The following DCDC2C variants were observed in gnomAD, a reference collection of about 807,000 sequenced individuals.
DCDC2C encodes doublecortin domain-containing protein 2C.
DCDC2C carries 44 observed loss-of-function variants against 45.0 expected under a neutral mutation model. That is an observed-to-expected ratio of 0.98 (90% CI 0.77 to 1.26). The LOEUF (loss-of-function observed/expected upper bound fraction) is 1.26. Among genes scored for constraint, DCDC2C ranks in the 50% most tolerant of loss-of-function variants. The pLI is 0.00. For synonymous variants in DCDC2C, 187 were observed against 178.8 expected (o/e 1.05, Z -0.37); for missense variants, 447 against 468.9 (o/e 0.95, Z 0.43).
At chr2:3,757,871 T>G (rs560115503) in intron 6 of DCDC2C, among the ~76,000 whole-genome samples, 1 of 152,290 alleles carries the variant, frequency 6.6e-6, no homozygotes, top group African/African-American at 2.4e-5. Flanking sequence ...CTTCCACATC[T>G]GCCTATGTCT....
intron 4 of DCDC2C, among the ~76,000 whole-genome samples, chr2:3,743,197 A>ATATACAACG (rs1263892332): frequency 3.3e-5 from 1 of 29,868 alleles, no homozygotes; most frequent in Non-Finnish European, 7.6e-5. Context: ...CCCATCAAGA[A>ATATACAACG]TATACAACAA....
intron 10 of DCDC2C, among the ~76,000 whole-genome samples, chr2:3,793,640 G>A (rs991401226): frequency 6.6e-6 from 1 of 152,226 alleles, no homozygotes; most frequent in Non-Finnish European, 1.5e-5. Flanking sequence ...ATTTAAAAAT[G>A]TTCAGTCATT....
intron 10 of DCDC2C, among the ~76,000 whole-genome samples, chr2:3,833,558 C>T (rs1355688618): frequency 1.3e-5 from 2 of 152,174 alleles, no homozygotes; most frequent in Admixed American, 6.5e-5. Flanking sequence ...AATATTGGCT[C>T]ACCTTTTAAG....
At chr2:3,708,389 C>G (rs1668123288) in intron 1 of DCDC2C, among the ~76,000 whole-genome samples, 160 bp from the exon 2 acceptor site, 1 of 152,076 alleles carries the variant, frequency 6.6e-6, no homozygotes, top group Non-Finnish European at 1.5e-5. Context: ...CTATTGTATT[C>G]TGATGTGGAT....
At chr2:3,845,330 C>CAG (rs1411502887) in intron 10 of DCDC2C, among the ~76,000 whole-genome samples, 1 of 152,188 alleles carries the variant, frequency 6.6e-6, no homozygotes, top group Non-Finnish European at 1.5e-5. Flanking sequence ...AGAAGACAGG[C>CAG]AGAGTCACTA....
chr2:3,778,954 T>C, intron 9 of DCDC2C, 70 bp downstream of exon 9: 1 of 1,425,140 alleles, frequency 7.0e-7, no homozygotes, highest in East Asian at 2.5e-5. Context: ...AGAGCTCACG[T>C]TTGGTGGTGA....
intron 4 of DCDC2C, among the ~76,000 whole-genome samples, chr2:3,750,557 A>T (rs1369365289): frequency 1.3e-5 from 2 of 152,036 alleles, no homozygotes; most frequent in African/African-American, 4.8e-5. Context: ...TTTTGAAAAT[A>T]TCACCGTCTT....
rs976489873 is a variant in DCDC2C, at chr2:3,818,325, C to T, written c.1066-28829C>T. Among the ~76,000 whole-genome samples the T allele has an allele frequency of 5.3e-5, 8 of 151,918 alleles. No homozygotes were observed. The South Asian group carries it at 1.5e-3, about 28-fold the overall frequency. On this transcript the variant is annotated intron_variant, in intron 10 of 10. Transcript: ENST00000399143. This position sits in a 1 kb window ranked among gnomAD's most constrained non-coding sequence, Gnocchi z 4.7. ...GTGTCAGGGTCTGTCCAAGTGAAAGCGAAGAGAGGCTGGGATGAAGGGTGC... is the reference window on the plus strand; with the variant it reads ...GTGTCAGGGTCTGTCCAAGTGAAAGTGAAGAGAGGCTGGGATGAAGGGTGC...
chr2:3,800,255 T>G (rs1671082089), intron 10 of DCDC2C, among the ~76,000 whole-genome samples: 1 of 152,146 alleles, frequency 6.6e-6, no homozygotes, highest in Admixed American at 6.5e-5. Flanking sequence ...CCCACTGACC[T>G]GCGCCCACTG....
At chr2:3,749,255 A>G (rs1364068820) in intron 4 of DCDC2C, among the ~76,000 whole-genome samples, 1 of 152,242 alleles carries the variant, frequency 6.6e-6, no homozygotes, top group African/African-American at 2.4e-5. Context: ...TTTAGTGCTC[A>G]CATTTTCTGA....
chr2:3,812,278 C>T (rs550435670), intron 10 of DCDC2C, among the ~76,000 whole-genome samples: 1 of 150,650 alleles, frequency 6.6e-6, no homozygotes, highest in Non-Finnish European at 1.5e-5. Flanking sequence ...TTGGTCTATT[C>T]AGGGATTCAA....
chr2:3,772,902 G>A (rs1670220397), intron 8 of DCDC2C, among the ~76,000 whole-genome samples: 1 of 152,174 alleles, frequency 6.6e-6, no homozygotes, highest in Admixed American at 6.5e-5. Context: ...CATTCTTGTA[G>A]CACAAACTTG....
At chr2:3,789,243 T>G (rs67938526) in intron 10 of DCDC2C, among the ~76,000 whole-genome samples, 70,374 of 151,912 alleles carry the variant, frequency 0.46, 16,878 homozygotes, top group East Asian at 0.82. Flanking sequence ...AGTGAAAAAC[T>G]GCCAAGCACC....
intron 10 of DCDC2C, among the ~76,000 whole-genome samples, chr2:3,827,242 G>A (rs1671844662): frequency 6.6e-6 from 1 of 152,180 alleles, no homozygotes; most frequent in African/African-American, 2.4e-5. Context: ...GGCTACATAT[G>A]GAGTGGAGGA....
chr2:3,770,683 T>G (rs1384128156), intron 8 of DCDC2C, among the ~76,000 whole-genome samples: 4 of 152,234 alleles, frequency 2.6e-5, no homozygotes, highest in Non-Finnish European at 2.9e-5. Flanking sequence ...GTCACTAGGA[T>G]GTTACTGTGG....
intron 2 of DCDC2C, among the ~76,000 whole-genome samples, chr2:3,725,433 C>T (rs2163265): frequency 0.03 from 2,031 of 68,740 alleles, 13 homozygotes; most frequent in Non-Finnish European, 0.051. Context: ...AGGTGGATCC[C>T]AGAGGAAGAC....
At chr2:3,838,792 C>G (rs1290123622) in intron 10 of DCDC2C, among the ~76,000 whole-genome samples, 1 of 152,300 alleles carries the variant, frequency 6.6e-6, no homozygotes, top group South Asian at 2.1e-4. Context: ...GTCTGAAAAA[C>G]ATGTATGCCT....
At chr2:3,729,417 T>G (rs1257196205) in intron 3 of DCDC2C, among the ~76,000 whole-genome samples, 1 of 152,238 alleles carries the variant, frequency 6.6e-6, no homozygotes, top group Non-Finnish European at 1.5e-5. Context: ...TTTTATTTAG[T>G]AACTACTGAG....
At chr2:3,749,772 C>G (rs927741083) in intron 4 of DCDC2C, among the ~76,000 whole-genome samples, 4 of 152,184 alleles carry the variant, frequency 2.6e-5, no homozygotes, top group Non-Finnish European at 4.4e-5. Context: ...GCTGAGCTAT[C>G]CACAGTCCTG....
Sources: gnomAD v4.1 joint callset for allele counts (sites outside exome capture counted in the v4.1 genomes callset) on GRCh38, gnomAD v4.1.1 for gene constraint, Gnocchi (gnomAD v3.1) non-coding constraint, MANE v1.5 for transcripts, NCBI Gene and HGNC (gene_info 2026-07-23, HGNC 2026-07-21) for gene names.